MAF: variants seen among roughly 807,000 people sequenced by gnomAD.
The protein encoded by MAF is transcription factor Maf.
MAF carries 10 observed loss-of-function variants against 22.0 expected under a neutral mutation model. That is an observed-to-expected ratio of 0.45 (90% CI 0.28 to 0.77). The LOEUF is 0.77. MAF is among the 30% of genes least tolerant of loss of function. The pLI, the probability that MAF is intolerant of heterozygous loss-of-function variation, is 0.12. For missense variants in MAF, 544 were observed against 548.4 expected (o/e 0.99, Z 0.08); for synonymous variants, 337 against 255.8 (o/e 1.32, Z -3.03).
chr16:79,557,364 C>A, the MAF span, among the ~76,000 whole-genome samples: 1 of 151,974 alleles, frequency 6.6e-6, no homozygotes. Context: ...ATGATCCTGT[C>A]ACAGAATTTT....
the MAF span, among the ~76,000 whole-genome samples, chr16:79,368,042 C>T: frequency 4.6e-5 from 7 of 152,174 alleles, no homozygotes; most frequent in African/African-American, 1.7e-4. Context: ...GGCTGAACAG[C>T]TCCCTGAAGG....
the MAF span, among the ~76,000 whole-genome samples, chr16:79,304,067 T>C: frequency 9.2e-5 from 14 of 152,348 alleles, no homozygotes; most frequent in South Asian, 1.0e-3. Context: ...GGTGGGAACC[T>C]TGTGGGACCC....
chr16:79,333,664 A>C, the MAF span, among the ~76,000 whole-genome samples: 1 of 152,242 alleles, frequency 6.6e-6, no homozygotes, highest in Non-Finnish European at 1.5e-5. Context: ...AGAAGAGACA[A>C]TCTAACGCTG....
the MAF span, among the ~76,000 whole-genome samples, chr16:79,347,195 C>G: frequency 6.6e-6 from 1 of 152,212 alleles, no homozygotes; most frequent in Non-Finnish European, 1.5e-5. Context: ...AAGAAGGATT[C>G]TTGCTGGAGG....
the MAF span, chr16:79,202,967 G>A: frequency 1.3e-5 from 2 of 152,180 alleles, no homozygotes; most frequent in African/African-American, 2.4e-5. Flanking sequence ...TCTATGCTAA[G>A]GTGTTGCATA....
chr16:79,435,082 T>C, the MAF span, among the ~76,000 whole-genome samples: 1 of 152,230 alleles, frequency 6.6e-6, no homozygotes, highest in Non-Finnish European at 1.5e-5. Flanking sequence ...GACTCTGTTT[T>C]GTCCTAGACT....
chr16:79,367,050 C>T, the MAF span, among the ~76,000 whole-genome samples: 36 of 152,008 alleles, frequency 2.4e-4, no homozygotes, highest in African/African-American at 5.6e-4. Flanking sequence ...TTTTGTGTGA[C>T]GAAGAATAAT....
the MAF span, among the ~76,000 whole-genome samples, chr16:79,472,854 G>A: frequency 6.6e-6 from 1 of 151,948 alleles, no homozygotes; most frequent in Non-Finnish European, 1.5e-5. Flanking sequence ...CATGGAGAGG[G>A]AACAAGCAGT....
At chr16:79,565,623 C>T in the MAF span, among the ~76,000 whole-genome samples, 4 of 152,128 alleles carry the variant, frequency 2.6e-5, no homozygotes, top group Non-Finnish European at 4.4e-5. Context: ...CTTTTCCCTT[C>T]GCTCAGCACT....
chr16:79,268,046 A>G, the MAF span, among the ~76,000 whole-genome samples: 2 of 151,956 alleles, frequency 1.3e-5, no homozygotes, highest in African/African-American at 4.8e-5. Context: ...CCTCTAGGGG[A>G]GCTGGGTCTC....
the MAF span, among the ~76,000 whole-genome samples, chr16:79,219,497 G>C: frequency 2.7e-5 from 4 of 147,096 alleles, no homozygotes; most frequent in Non-Finnish European, 4.4e-5. Context: ...CCTAAAGTGA[G>C]CGGACATCGC....
chr16:79,405,104 A>G, the MAF span, among the ~76,000 whole-genome samples: 27 of 151,922 alleles, frequency 1.8e-4, no homozygotes, highest in Non-Finnish European at 1.8e-4. Context: ...GATCTCGAAT[A>G]CTCCCATATG....
chr16:79,600,139 C>T lies in MAF; in HGVS notation c.-237G>A. ...CCCCCTGCTCACGCCAATGTGCTCC[C>T]TCGCTCGCCCCGGCCCCTCCTTGCT... On this transcript the variant is annotated 5_prime_UTR_variant, in exon 1 of 2. Coordinates refer to ENST00000326043, the MANE Select transcript of MAF (RefSeq NM_005360.5). 2.0e-6 allele frequency: 1 copy of T among 493,902 alleles called. No homozygotes were observed. The highest frequency in any genetic ancestry group is 3.5e-6 in the Non-Finnish European group (1 of 284,718). The allele number at this position is 493,902 out of a possible 1,614,324, so 30.6% of individuals were successfully genotyped here.
At chr16:79,400,933 G>A in the MAF span, among the ~76,000 whole-genome samples, 2 of 152,266 alleles carry the variant, frequency 1.3e-5, no homozygotes, top group African/African-American at 2.4e-5. Flanking sequence ...TGATCTGCCT[G>A]TCACAGGGAG....
the MAF span, among the ~76,000 whole-genome samples, chr16:79,305,444 C>T: frequency 6.6e-6 from 1 of 152,060 alleles, no homozygotes; most frequent in Non-Finnish European, 1.5e-5. Context: ...CTCCCTGGGG[C>T]TTGTGGGGAG....
At chr16:79,245,842 T>C in the MAF span, among the ~76,000 whole-genome samples, 3 of 151,800 alleles carry the variant, frequency 2.0e-5, no homozygotes, top group Admixed American at 6.6e-5. Context: ...ATAAAGAAAA[T>C]GTGGCACATA....
the MAF span, among the ~76,000 whole-genome samples, chr16:79,250,226 C>T: frequency 6.6e-6 from 1 of 152,224 alleles, no homozygotes; most frequent in African/African-American, 2.4e-5. Context: ...GTGCATGGCA[C>T]TTTGAACAAA....
chr16:79,584,492 C>T (rs368758927), downstream of MAF, among the ~76,000 whole-genome samples: 88 of 152,274 alleles, frequency 5.8e-4, no homozygotes, highest in Non-Finnish European at 1.1e-3. Flanking sequence ...ATTTCTTTCC[C>T]ACCAGTAACC....
chr16:79,582,395 C>T (rs192875091), downstream of MAF, among the ~76,000 whole-genome samples: 3 of 152,236 alleles, frequency 2.0e-5, no homozygotes, highest in African/African-American at 7.2e-5. Context: ...TGCAGAAATT[C>T]CTTCGTTTTA....
Sources: allele counts gnomAD v4.1 joint callset (sites outside exome capture counted in the v4.1 genomes callset), GRCh38; gene constraint gnomAD v4.1.1; transcripts MANE v1.5; gene names NCBI Gene and HGNC (gene_info 2026-07-23, HGNC 2026-07-21).